The following ADGRL2 variants were observed in gnomAD, a reference collection of about 807,000 sequenced individuals.
ADGRL2 encodes adhesion G protein-coupled receptor L2.
In ADGRL2, 44 loss-of-function variants were observed where a neutral mutation model predicts 157.4. The ratio of observed to expected loss-of-function variants is 0.28; its 90% CI spans 0.22 to 0.36. ADGRL2 has a LOEUF of 0.36. ADGRL2 is among the 10% of genes least tolerant of loss of function. The pLI is 1.00. For missense variants in ADGRL2, 1,510 were observed against 1,768.9 expected, an observed-to-expected ratio of 0.85 and a Z score of 2.63; for synonymous variants, 585 against 624.7, an observed-to-expected ratio of 0.94 and a Z score of 0.95.
intron 1 of ADGRL2, among the ~76,000 whole-genome samples, chr1:81,361,937 G>GTT (rs551557797): frequency 4.7e-5 from 7 of 150,440 alleles, no homozygotes; most frequent in African/African-American, 1.5e-4. Flanking sequence ...ATACACTATG[G>GTT]TTTTTTTTTA....
chr1:81,311,474 T>C (rs1237635033), intron 1 of ADGRL2, among the ~76,000 whole-genome samples: 1 of 152,138 alleles, frequency 6.6e-6, no homozygotes, highest in Non-Finnish European at 1.5e-5. Context: ...TACTTGAGGG[T>C]GAAAATCATA....
chr1:81,577,817 G>A (rs754869101), intron 2 of ADGRL2, among the ~76,000 whole-genome samples: 2 of 152,126 alleles, frequency 1.3e-5, no homozygotes, highest in Non-Finnish European at 2.9e-5. Flanking sequence ...CACTGTGTGT[G>A]TGGGTTTCAC....
At chr1:81,478,000 G>A (rs547372514) in intron 2 of ADGRL2, among the ~76,000 whole-genome samples, 116 of 152,178 alleles carry the variant, frequency 7.6e-4, no homozygotes, top group African/African-American at 2.7e-3. Context: ...ACTGAAGAGA[G>A]CATTTTTTGT....
chr1:81,894,665 T>A (rs1450982793), intron 2 of ADGRL2, among the ~76,000 whole-genome samples: 1 of 151,886 alleles, frequency 6.6e-6, no homozygotes, highest in Non-Finnish European at 1.5e-5. Context: ...AGAGTAGAAA[T>A]TAAAAAAAAA....
chr1:81,646,627 T>C lies in ADGRL2; in HGVS notation c.-143+65647T>C, dbSNP rs189265917. Among the ~76,000 whole-genome samples, 6 of 152,264 alleles carry C rather than the reference T, an allele frequency of 3.9e-5. No individual in the cohort carries two copies. The East Asian group carries it at 9.6e-4, about 24-fold the overall frequency. On this transcript the variant is annotated intron_variant, in intron 3 of 24. Transcript: ENST00000370721. Reference sequence around the variant, plus strand: ...AGCCATAGTGAGGCACGGTTGTACATTTATGGGTCAGAAATATTTTCCTCC... The same window carrying C: ...AGCCATAGTGAGGCACGGTTGTACACTTATGGGTCAGAAATATTTTCCTCC...
At chr1:81,838,356 T>G (rs988159106) in intron 2 of ADGRL2, among the ~76,000 whole-genome samples, 2 of 152,124 alleles carry the variant, frequency 1.3e-5, no homozygotes, top group African/African-American at 4.8e-5. Context: ...TTCACTTGGA[T>G]TTAAGTCACA....
chr1:81,723,064 A>C lies in ADGRL2; in HGVS notation c.-143+23256A>C, dbSNP rs1570963516. The C allele has an allele frequency of 4.0e-5, 30 of 746,786 alleles. No individual in the cohort carries two copies. In the East Asian group the frequency reaches 7.2e-4, roughly 18 times the overall value. The allele number at this position is 746,786 out of a possible 1,614,324, so 46.3% of individuals were successfully genotyped here. Reference sequence around the variant, plus strand: ...GTAAATTGTCAGCCAATTGGGAGTCAAGCACAGTGCCCTTCTGATAAATAA... The same window carrying C: ...GTAAATTGTCAGCCAATTGGGAGTCCAGCACAGTGCCCTTCTGATAAATAA... On this transcript the variant is annotated intron_variant, in intron 1 of 20. Coordinates refer to the ADGRL2 transcript ENST00000359929.
chr1:81,778,203 T>A, intron 2 of ADGRL2, among the ~76,000 whole-genome samples: 1 of 110,020 alleles, frequency 9.1e-6, no homozygotes, highest in African/African-American at 4.3e-5. Context: ...GCACTTGTAG[T>A]CCCAGCTCCT....
chr1:81,789,809 A>G (rs544803671), intron 2 of ADGRL2, among the ~76,000 whole-genome samples: 1 of 151,948 alleles, frequency 6.6e-6, no homozygotes, highest in African/African-American at 2.4e-5. Flanking sequence ...GGACATTTCT[A>G]TTAGTTTACT....
At chr1:81,722,735 T>C (rs1397373866) in intron 1 of ADGRL2, 13 of 899,214 alleles carry the variant, frequency 1.4e-5, no homozygotes, top group Non-Finnish European at 2.0e-5. Flanking sequence ...GATCAAAGAA[T>C]AGAAAGAGTT....
chr1:81,407,144 T>A (rs1194153537), intron 1 of ADGRL2, among the ~76,000 whole-genome samples: 1 of 152,174 alleles, frequency 6.6e-6, no homozygotes, highest in Non-Finnish European at 1.5e-5. Flanking sequence ...TAGAAGAGCT[T>A]TGATTAATAA....
In ADGRL2 at chr1:81,708,639, C is replaced by CATATAT. The variant is rs144706739; in HGVS notation, c.-143+8843_-143+8848dup. ...ATACTATTGTTTGCATTAAAATTTA[C>CATATAT]ATATATATATATATATACACACACA... On this transcript the variant is annotated intron_variant, in intron 1 of 20. Coordinates refer to the ADGRL2 transcript ENST00000359929. Among the ~76,000 whole-genome samples the CATATAT allele has an allele frequency of 3.1e-3, 456 of 148,328 alleles. 3 individuals are homozygous for CATATAT. The highest frequency in any genetic ancestry group is 0.014 in the Middle Eastern group (4 of 282).
chr1:81,993,006 T>C lies in ADGRL2; in HGVS notation c.*1861T>C, dbSNP rs1367674805. 7.1e-6 allele frequency among the ~76,000 whole-genome samples: 1 copy of C among 140,144 alleles called. No individual in the cohort carries two copies. The highest frequency in any genetic ancestry group is 1.5e-5 in the Non-Finnish European group (1 of 66,140). 91.9% of individuals were successfully genotyped at this position (140,144 alleles called of 152,430 possible). ...TTTTATGTGGACACACACATGCCTA[T>C]TGAATTTAAAAAGGAATGAGATTTA... On this transcript the variant is annotated 3_prime_UTR_variant, in exon 24 of 24. Transcript: ENST00000686636.
intron 2 of ADGRL2, among the ~76,000 whole-genome samples, chr1:81,552,010 T>G (rs2148391452): frequency 6.6e-6 from 1 of 152,328 alleles, no homozygotes; most frequent in African/African-American, 2.4e-5. Flanking sequence ...CATCTAGGAC[T>G]TGGCCTATTT....
In ADGRL2 at chr1:81,490,445, C is replaced by A. The variant is rs9661334; in HGVS notation, c.-248+45356C>A. On this transcript the variant is annotated intron_variant, in intron 2 of 24. Transcript: ENST00000370721. Reference sequence around the variant, plus strand: ...CCATGCCTGGCAACTTAACATATTCCTAAAAATTATTAGAAAAAGGAAGCA... The same window carrying A: ...CCATGCCTGGCAACTTAACATATTCATAAAAATTATTAGAAAAAGGAAGCA... 1.3e-3 allele frequency among the ~76,000 whole-genome samples: 200 copies of A among 152,070 alleles called. 1 individual carries two copies. Among genetic ancestry groups the A allele is most frequent in the African/African-American group, 4.6e-3 (191 of 41,490 alleles).
intron 2 of ADGRL2, among the ~76,000 whole-genome samples, chr1:81,863,820 T>G (rs1007671019): frequency 1.3e-5 from 2 of 152,186 alleles, no homozygotes; most frequent in African/African-American, 4.8e-5. Context: ...TGACCCAAAC[T>G]TACTGAATTA....
chr1:81,918,220 A>T (rs1355817090), intron 3 of ADGRL2, among the ~76,000 whole-genome samples: 1 of 152,074 alleles, frequency 6.6e-6, no homozygotes, highest in East Asian at 1.9e-4. Flanking sequence ...TACTTCTGTT[A>T]CTCATTATAC....
chr1:81,323,989 T>C (rs1362319603), intron 1 of ADGRL2, among the ~76,000 whole-genome samples: 2 of 152,130 alleles, frequency 1.3e-5, no homozygotes, highest in African/African-American at 4.8e-5. Context: ...TAGGCTACTA[T>C]TGAAAGTGCC....
At chr1:81,726,682 T>C (rs2084541191) in intron 1 of ADGRL2, among the ~76,000 whole-genome samples, 1 of 152,228 alleles carries the variant, frequency 6.6e-6, no homozygotes, top group African/African-American at 2.4e-5. Flanking sequence ...ATGTTCACTA[T>C]ACGTACTCTA....
Sources: gnomAD v4.1 joint callset for allele counts (sites outside exome capture counted in the v4.1 genomes callset) on GRCh38, gnomAD v4.1.1 for gene constraint, MANE v1.5 for transcripts, NCBI Gene and HGNC (gene_info 2026-07-23, HGNC 2026-07-21) for gene names.